DDX52: variants seen among roughly 807,000 people sequenced by gnomAD.
DDX52 encodes DExD-box helicase 52.
In DDX52, 59 loss-of-function variants were observed where a neutral mutation model predicts 76.1. That is an observed-to-expected ratio of 0.78 (90% confidence interval 0.63 to 0.96). DDX52 has a LOEUF of 0.96. Ranked by LOEUF, DDX52 falls within the 40% of genes least tolerant of loss-of-function variation. The pLI is 0.00. For synonymous variants in DDX52, 231 were observed against 244.1 expected (o/e 0.95, Z 0.50); for missense variants, 707 against 703.9 (o/e 1.00, Z -0.05).
chr17:37,642,309 C>T lies in DDX52; in HGVS notation c.88-1G>A, dbSNP rs1354876133. ...CAAAGTCATATTTCCTTTTTCCTAT[C>T]TAAAACCCAAAAAATGTAAAATGAA... On this transcript the variant is annotated splice_acceptor_variant, in intron 1 of 14. Coordinates refer to ENST00000617633, the MANE Select transcript of DDX52 (RefSeq NM_007010.5). LOFTEE classifies it high-confidence loss of function. The T allele has an allele frequency of 6.2e-7, 1 of 1,611,330 alleles. No homozygotes were observed. Among genetic ancestry groups the T allele is most frequent in the South Asian group, 1.1e-5 (1 of 90,738 alleles).
At chr17:37,623,892 T>A (rs1367331096) in intron 9 of DDX52, among the ~76,000 whole-genome samples, 4 of 152,236 alleles carry the variant, frequency 2.6e-5, no homozygotes, top group African/African-American at 7.2e-5. Context: ...CAGTACTTTT[T>A]AACTATGGTT....
Position 37,611,445 on chromosome 17 carries a change from G to C in DDX52, c.*2851C>G, listed in dbSNP as rs2064363497. ...AGAAATAAAGTATTTTTCTACAGCT[G>C]TACATTTGCATTTTAGGCTAAGTGT... On this transcript the variant is annotated 3_prime_UTR_variant, in exon 15 of 15. Coordinates refer to ENST00000617633, the MANE Select transcript of DDX52 (RefSeq NM_007010.5). The C allele has an allele frequency of 6.6e-6, 1 of 152,162 alleles. No homozygotes were observed. The highest frequency in any genetic ancestry group is 2.1e-4 in the South Asian group (1 of 4,832). 9.4% of individuals were successfully genotyped at this position (152,162 alleles called of 1,614,324 possible).
At chr17:37,627,021 G>A (rs1235062970) in intron 6 of DDX52, among the ~76,000 whole-genome samples, 161 bp from the exon 7 acceptor site, 1 of 152,028 alleles carries the variant, frequency 6.6e-6, no homozygotes, top group Non-Finnish European at 1.5e-5. Flanking sequence ...ATATATCTGA[G>A]CAGCTTTCTC....
At chr17:37,614,437 A>G in intron 14 of DDX52, 84 bp from the exon 15 acceptor site, 1 of 1,322,508 alleles carries the variant, frequency 7.6e-7, no homozygotes, top group Non-Finnish European at 1.1e-6. Flanking sequence ...TTTAATAAAC[A>G]TTTACTGAAA....
Position 37,628,610 on chromosome 17 carries a change from T to G in DDX52, c.810A>C (p.Lys270Asn). ...GTGFRIHMIH[K>N]AAVAAKKFGP... ...CAAATTTCTTGGCTGCCACTGCTGC[T>G]TTGTGGATCATGTGTATTCTGAATC... The change falls in exon 6 of 15, where the codon AAA (lysine) becomes AAC (asparagine). Residue 270 changes from lysine to asparagine, a missense_variant. Transcript: ENST00000617633. The G allele has an allele frequency of 6.2e-7, 1 of 1,612,722 alleles. No individual in the cohort carries two copies. Among genetic ancestry groups the G allele is most frequent in the Non-Finnish European group, 8.5e-7 (1 of 1,179,614 alleles).
Position 37,625,930 on chromosome 17 carries a change from G to C in DDX52, c.1101C>G (p.Asn367Lys). Residue 367 changes from asparagine to lysine, a missense_variant, in exon 8 of 15, where the codon AAC (asparagine) becomes AAG (lysine). Asn to Lys is a moderately conservative substitution (Grantham distance 94). Coordinates refer to ENST00000617633, the MANE Select transcript of DDX52 (RefSeq NM_007010.5). The stretch of plus-strand genomic sequence containing the variant: ...TGGACACACTGATGACATTGTCCAG[G>C]TTGAGTTTGCACCACTGTTCAACAT... ...AYDVEQWCKLNLDNVISVSIG... is the reference protein window; with the variant it reads ...AYDVEQWCKLKLDNVISVSIG... 1 of 1,614,042 alleles carries C rather than the reference G, an allele frequency of 6.2e-7. No individual in the cohort carries two copies. Among genetic ancestry groups the C allele is most frequent in the Non-Finnish European group, 8.5e-7 (1 of 1,179,976 alleles).
chr17:37,622,183 T>A (rs1760307783), intron 9 of DDX52, among the ~76,000 whole-genome samples: 1 of 151,912 alleles, frequency 6.6e-6, no homozygotes, highest in Non-Finnish European at 1.5e-5. Flanking sequence ...TTTTACTACA[T>A]CTGATGTCTG....
At chr17:37,618,442 T>A (rs2029910247) in intron 13 of DDX52, 58 bp from the exon 14 acceptor site, 6 of 1,385,542 alleles carry the variant, frequency 4.3e-6, no homozygotes, top group Non-Finnish European at 5.9e-6. Context: ...TTAGAAGAGT[T>A]AAAGCTAAAA....
At chr17:37,640,687 G>GAA (rs11432784) in intron 2 of DDX52, among the ~76,000 whole-genome samples, 9 of 101,750 alleles carry the variant, frequency 8.8e-5, no homozygotes, top group Middle Eastern at 4.9e-3. Flanking sequence ...TACAGTACAA[G>GAA]AAAAAAAAAA....
At chr17:37,640,526 G>A (rs1169762831) in intron 2 of DDX52, among the ~76,000 whole-genome samples, 1 of 151,902 alleles carries the variant, frequency 6.6e-6, no homozygotes, top group East Asian at 1.9e-4. Flanking sequence ...TTGATTAACA[G>A]TAGCTGCGTG....
Position 37,614,213 on chromosome 17 carries a change from A to T in DDX52, c.*83T>A, listed in dbSNP as rs2064398950. ...CAAATGTTTGGTACAGGTGACTGTAAGACTTCAAGTATTCCATGAAAATAA... is the reference window on the plus strand; with the variant it reads ...CAAATGTTTGGTACAGGTGACTGTATGACTTCAAGTATTCCATGAAAATAA... On this transcript the variant is annotated 3_prime_UTR_variant, in exon 15 of 15. Transcript: ENST00000617633. The T allele has an allele frequency of 5.0e-6, 7 of 1,408,470 alleles. No homozygotes were observed. The highest frequency in any genetic ancestry group is 4.3e-5 in the African/African-American group (3 of 69,912). The allele number at this position is 1,408,470 out of a possible 1,614,324, so 87.2% of individuals were successfully genotyped here.
intron 2 of DDX52, among the ~76,000 whole-genome samples, chr17:37,636,619 A>C (rs1220621382): frequency 6.6e-6 from 1 of 152,240 alleles, no homozygotes; most frequent in African/African-American, 2.4e-5. Context: ...ATTCTGCTTA[A>C]AACTGAAGCA....
At chr17:37,621,311 A>G in intron 10 of DDX52, 34 bp from the exon 11 acceptor site, 1 of 1,594,142 alleles carries the variant, frequency 6.3e-7, no homozygotes, top group East Asian at 2.2e-5. Context: ...ATTGTTTTAG[A>G]ATGAAAACAG....
Position 37,621,401 on chromosome 17 carries a change from T to C in DDX52, c.1347A>G (p.Gln449=). Residue 449 remains glutamine, a synonymous_variant, in exon 10 of 15, where the codon CAA becomes CAG. Transcript: ENST00000617633. Reference sequence around the variant, plus strand: ...CAAAGTATATATTTGACTTTACCTGTTGTTGTGTTCTCTCTGCATGAATAA... The same window carrying C: ...CAAAGTATATATTTGACTTTACCTGCTGTTGTGTTCTCTCTGCATGAATAA... ...VDVIHAERTQ[Q]QRDNTVHSFR... The C allele has an allele frequency of 6.2e-7, 1 of 1,611,126 alleles. No homozygotes were observed. The highest frequency in any genetic ancestry group is 8.5e-7 in the Non-Finnish European group (1 of 1,179,216).
chr17:37,638,160 A>T (rs886742792), intron 2 of DDX52, among the ~76,000 whole-genome samples: 1 of 152,216 alleles, frequency 6.6e-6, no homozygotes, highest in Middle Eastern at 3.2e-3. Context: ...AGCAAAGGCA[A>T]CAGCAACAGG....
intron 6 of DDX52, 22 bp from the exon 7 acceptor site, chr17:37,626,882 G>GA (rs780519099): frequency 3.4e-5 from 54 of 1,592,238 alleles, no homozygotes; most frequent in Non-Finnish European, 4.3e-5. Context: ...ACAAATGGTA[G>GA]AAATTGCAAA....
chr17:37,626,221 AT>A, intron 7 of DDX52, 123 bp from the exon 8 acceptor site: 1 of 989,080 alleles, frequency 1.0e-6, no homozygotes, highest in Admixed American at 3.2e-5. Flanking sequence ...GATCCACTTT[AT>A]CATACCAAAA....
At chr17:37,633,940 C>CTTTTTT (rs557054736) in intron 2 of DDX52, among the ~76,000 whole-genome samples, 11 of 130,016 alleles carry the variant, frequency 8.5e-5, no homozygotes, top group Non-Finnish European at 8.1e-5. Flanking sequence ...AATTTCTTTC[C>CTTTTTT]TTTTTTTTTT....
At chr17:37,633,210 C>G (rs1035506905) in intron 3 of DDX52, 78 bp downstream of exon 3, 2 of 1,404,392 alleles carry the variant, frequency 1.4e-6, no homozygotes, top group Non-Finnish European at 1.9e-6. Flanking sequence ...ACATTAACAA[C>G]AGAATAACCC....
Sources: allele counts gnomAD v4.1 joint callset (sites outside exome capture counted in the v4.1 genomes callset), GRCh38; gene constraint gnomAD v4.1.1; transcripts MANE v1.5; gene names NCBI Gene and HGNC (gene_info 2026-07-23, HGNC 2026-07-21).